Variants in PTPRT observed in about 807,000 individuals in gnomAD.
PTPRT encodes receptor-type tyrosine-protein phosphatase T.
PTPRT carries 56 observed loss-of-function variants against 176.8 expected under a neutral mutation model. That is an observed-to-expected ratio of 0.32 (90% CI 0.26 to 0.40). The LOEUF is 0.40. Among genes scored for constraint, PTPRT ranks in the 10% least tolerant of loss-of-function variants. PTPRT has a pLI of 1.00. For missense variants in PTPRT, 1,540 were observed against 1,908.2 expected (o/e 0.81, Z 3.60); for synonymous variants, 783 against 739.0 (o/e 1.06, Z -0.96).
chr20:42,633,784 A>AATATATAT lies in PTPRT; in HGVS notation c.1153+44074_1153+44081dup, dbSNP rs752371452. Reference sequence around the variant, plus strand: ...CTGGGCAACACAGCAAGACTCTGAAAATATATATATATATATATATATATA... The same window carrying AATATATAT: ...CTGGGCAACACAGCAAGACTCTGAAAATATATATATATATATATATATATATATATATA... On this transcript the variant is annotated intron_variant, in intron 7 of 30. Transcript: ENST00000373187. 8.0e-3 allele frequency among the ~76,000 whole-genome samples: 428 copies of AATATATAT among 53,314 alleles called. 1 individual carries two copies. Among genetic ancestry groups the AATATATAT allele is most frequent in the Non-Finnish European group, 9.6e-3 (314 of 32,650 alleles). 35.0% of individuals were successfully genotyped at this position (53,314 alleles called of 152,430 possible).
rs182378920 is a variant in PTPRT at position 42,172,720 on chromosome 20, C to T, written c.2492-11178G>A. ...ATTCAGATTTCATTAGTTTTACATG[C>T]GCTTGTGTGTATGTTTAATTTATGC... is the stretch of plus-strand genomic sequence containing the variant. On this transcript the variant is annotated intron_variant, in intron 16 of 30. Transcript: ENST00000373187. Among the ~76,000 whole-genome samples the T allele has an allele frequency of 1.5e-4, 23 of 152,226 alleles. No homozygotes were observed. The East Asian group carries it at 1.9e-3, about 13-fold the overall frequency.
Position 42,881,724 on chromosome 20 carries a change from CAA to C in PTPRT, c.214+4081_214+4082del, listed in dbSNP as rs112191705. Among the ~76,000 whole-genome samples the C allele has an allele frequency of 1.7e-3, 61 of 36,694 alleles. No homozygotes were observed. The South Asian group carries it at 0.018, about 11-fold the overall frequency. 24.1% of individuals were successfully genotyped at this position (36,694 alleles called of 152,430 possible). A position where few individuals can be genotyped will look rare whatever the true frequency, so the allele number is the denominator to read the frequency against. On this transcript the variant is annotated intron_variant, in intron 2 of 30. Transcript: ENST00000373187. Reference sequence around the variant, plus strand: ...TGGGCAACAGAGCGACACTCTGTCTCAAAAAAAAAAAAAAAAAAAAAAAAAGA... The same window carrying C: ...TGGGCAACAGAGCGACACTCTGTCTCAAAAAAAAAAAAAAAAAAAAAAAGA...
intron 7 of PTPRT, among the ~76,000 whole-genome samples, chr20:42,528,880 T>C (rs772096295): frequency 5.3e-5 from 8 of 152,242 alleles, no homozygotes; most frequent in Non-Finnish European, 1.2e-4. Flanking sequence ...AGTTTCATTT[T>C]TAAAATAGAT....
chr20:42,180,609 T>C (rs1440444749), intron 16 of PTPRT, among the ~76,000 whole-genome samples: 1 of 152,210 alleles, frequency 6.6e-6, no homozygotes, highest in Non-Finnish European at 1.5e-5. Flanking sequence ...CACTGATGTA[T>C]ATTAAAAGTG....
At chr20:42,410,761 A>T (rs2059007339) in intron 9 of PTPRT, among the ~76,000 whole-genome samples, 1 of 152,186 alleles carries the variant, frequency 6.6e-6, no homozygotes, top group African/African-American at 2.4e-5. Context: ...AAAAATTAAT[A>T]ACAGAAAGAT....
chr20:42,152,785 C>T (rs1322057853), intron 17 of PTPRT, among the ~76,000 whole-genome samples: 1 of 152,192 alleles, frequency 6.6e-6, no homozygotes, highest in Non-Finnish European at 1.5e-5. Context: ...TTGCAGCCAG[C>T]TATGGTGAAG....
At chr20:42,484,569 A>T (rs988649394) in intron 7 of PTPRT, among the ~76,000 whole-genome samples, 1 of 152,166 alleles carries the variant, frequency 6.6e-6, no homozygotes, top group South Asian at 2.1e-4. Context: ...GCCCAATCTC[A>T]TGTTGAAACT....
chr20:42,525,513 C>T (rs1256430589), intron 7 of PTPRT, among the ~76,000 whole-genome samples: 1 of 152,170 alleles, frequency 6.6e-6, no homozygotes, highest in African/African-American at 2.4e-5. Context: ...CTTTTGTCCC[C>T]TGGATATTTC....
intron 1 of PTPRT, among the ~76,000 whole-genome samples, chr20:43,024,747 C>G (rs1985844288): frequency 6.6e-6 from 1 of 152,216 alleles, no homozygotes; most frequent in East Asian, 1.9e-4. Context: ...GTGTTAGATC[C>G]CAAGAGCTGG....
intron 6 of PTPRT, among the ~76,000 whole-genome samples, chr20:42,695,018 C>G (rs2075852581): frequency 6.6e-6 from 1 of 152,166 alleles, no homozygotes; most frequent in Admixed American, 6.5e-5. Context: ...AATCCCAGCC[C>G]TTTGGGAGGC....
chr20:42,542,372 T>C (rs940685979), intron 7 of PTPRT, among the ~76,000 whole-genome samples: 1 of 151,428 alleles, frequency 6.6e-6, no homozygotes, highest in Non-Finnish European at 1.5e-5. Context: ...ACAGAAAAAC[T>C]GGCACAGGAG....
intron 2 of PTPRT, among the ~76,000 whole-genome samples, chr20:42,860,490 C>A (rs998151082): frequency 6.6e-6 from 1 of 152,198 alleles, no homozygotes; most frequent in African/African-American, 2.4e-5. Flanking sequence ...AAATTGACAG[C>A]TTTAAAATAC....
At chr20:42,091,548 C>T (rs369492514) in intron 27 of PTPRT, among the ~76,000 whole-genome samples, 2 of 152,246 alleles carry the variant, frequency 1.3e-5, no homozygotes, top group South Asian at 4.2e-4. Flanking sequence ...TTTATTAAGG[C>T]CCCTGCGACC....
At chr20:42,438,805 C>T (rs1349666829) in intron 9 of PTPRT, among the ~76,000 whole-genome samples, 2 of 152,178 alleles carry the variant, frequency 1.3e-5, no homozygotes, top group African/African-American at 4.8e-5. Flanking sequence ...GTAACAAGTG[C>T]TACACATCTG....
the PTPRT span, among the ~76,000 whole-genome samples, chr20:42,033,795 G>A: frequency 6.6e-6 from 1 of 152,190 alleles, no homozygotes; most frequent in Non-Finnish European, 1.5e-5. Context: ...TCTGGCACAG[G>A]TGTACTTGCC....
chr20:42,593,112 A>G lies in PTPRT; in HGVS notation c.1153+84754T>C, dbSNP rs532643425. The stretch of plus-strand genomic sequence containing the variant: ...GCAGAGGCAAAAACCGAATTGTAGC[A>G]TCTAGTTCATGAGCCTTTGCATGAC... On this transcript the variant is annotated intron_variant, in intron 7 of 30. Transcript: ENST00000373187. 1.2e-4 allele frequency among the ~76,000 whole-genome samples: 18 copies of G among 152,306 alleles called. No homozygotes were observed. The Middle Eastern group carries it at 0.017, about 144-fold the overall frequency.
intron 7 of PTPRT, among the ~76,000 whole-genome samples, chr20:42,561,230 A>C (rs2072946766): frequency 6.6e-6 from 1 of 152,222 alleles, no homozygotes; most frequent in Admixed American, 6.5e-5. Context: ...TACCATGAGA[A>C]GGTACTAGCC....
At chr20:42,364,153 C>T (rs990877551) in intron 9 of PTPRT, among the ~76,000 whole-genome samples, 2 of 152,294 alleles carry the variant, frequency 1.3e-5, no homozygotes, top group Admixed American at 1.3e-4. Flanking sequence ...CACCTGGGAA[C>T]TTCCTGCATC....
intron 2 of PTPRT, among the ~76,000 whole-genome samples, chr20:42,873,689 TAA>T (rs139780929): frequency 0.13 from 20,446 of 152,202 alleles, 1,892 homozygotes; most frequent in Non-Finnish European, 0.19. Context: ...TTTTTCATAC[TAA>T]GTTTTTGAAA....
Sources: allele counts gnomAD v4.1 joint callset (sites outside exome capture counted in the v4.1 genomes callset), GRCh38; gene constraint gnomAD v4.1.1; transcripts MANE v1.5; gene names NCBI Gene and HGNC (gene_info 2026-07-23, HGNC 2026-07-21).